TRPM3: variants seen among roughly 807,000 people sequenced by gnomAD.
TRPM3 encodes transient receptor potential cation channel subfamily M member 3, also known as long transient receptor potential channel 3.
A neutral mutation model predicts 181.2 loss-of-function variants in TRPM3; 77 were observed. That is an observed-to-expected ratio of 0.42 (90% CI 0.35 to 0.51). The LOEUF (loss-of-function observed/expected upper bound fraction) is 0.51, where lower values mean the gene tolerates loss of function less well. Ranked by LOEUF, TRPM3 falls within the 20% of genes least tolerant of loss-of-function variation. The pLI is 0.01. For missense variants in TRPM3, 1,759 were observed against 2,196.7 expected (o/e 0.80, Z 3.98); for synonymous variants, 745 against 796.4 (o/e 0.94, Z 1.09).
At chr9:70,560,230 G>T (rs1386778413) in intron 22 of TRPM3, among the ~76,000 whole-genome samples, 1 of 152,098 alleles carries the variant, frequency 6.6e-6, no homozygotes, top group Non-Finnish European at 1.5e-5. Flanking sequence ...GCTAATAAGG[G>T]GATAATGCCA....
chr9:71,133,371 C>T (rs368307773), intron 1 of TRPM3, among the ~76,000 whole-genome samples: 3 of 128,906 alleles, frequency 2.3e-5, no homozygotes, highest in Non-Finnish European at 4.7e-5. Flanking sequence ...CTCTGCTCAC[C>T]GCAACCTCTG....
At chr9:70,903,904 A>AT (rs995258288) in intron 1 of TRPM3, among the ~76,000 whole-genome samples, 71 of 152,274 alleles carry the variant, frequency 4.7e-4, no homozygotes, top group African/African-American at 1.7e-3. Context: ...ATTGTATAGG[A>AT]TTTTAAATTG....
intron 9 of TRPM3, among the ~76,000 whole-genome samples, chr9:70,649,776 G>C (rs982297596): frequency 6.6e-6 from 1 of 152,078 alleles, no homozygotes; most frequent in African/African-American, 2.4e-5. Flanking sequence ...AAAGAACTTA[G>C]AACTACCATT....
rs891278417 is a variant in TRPM3, at chr9:70,529,980, T to A, written c.*5973A>T. 1 of 152,242 alleles carries A rather than the reference T, an allele frequency of 6.6e-6. No individual in the cohort carries two copies. The allele number at this position is 152,242 out of a possible 1,614,324, so 9.4% of individuals were successfully genotyped here. On this transcript the variant is annotated 3_prime_UTR_variant, in exon 26 of 26. Coordinates refer to ENST00000677713, the MANE Select transcript of TRPM3 (RefSeq NM_001366145.2). Reference sequence around the variant, plus strand: ...ATCCGGCCCCTCCATGTGTTTGAATTTGCAGCCTCTCAGTCTATGTGCAGA... The same window carrying A: ...ATCCGGCCCCTCCATGTGTTTGAATATGCAGCCTCTCAGTCTATGTGCAGA...
intron 1 of TRPM3, among the ~76,000 whole-genome samples, chr9:71,275,535 T>C (rs558263545): frequency 1.4e-4 from 22 of 152,294 alleles, no homozygotes; most frequent in African/African-American, 5.3e-4. Context: ...TGTATGTGTG[T>C]GTGTATTATA....
chr9:71,384,514 T>G (rs980268637), intron 1 of TRPM3, among the ~76,000 whole-genome samples: 1 of 152,224 alleles, frequency 6.6e-6, no homozygotes, highest in African/African-American at 2.4e-5. Context: ...TGGAGACCAA[T>G]CTCTGGCACA....
intron 9 of TRPM3, among the ~76,000 whole-genome samples, chr9:70,657,284 A>C (rs2060493014): frequency 2.3e-5 from 1 of 43,198 alleles, no homozygotes; most frequent in South Asian, 1.3e-3. Flanking sequence ...TTTACTCTTA[A>C]ATTGTAAGTT....
At chr9:71,446,932 G>T (rs1198535014), upstream of TRPM3, 1 of 1,256,254 alleles carries the variant, frequency 8.0e-7, no homozygotes, top group Non-Finnish European at 1.1e-6. Context: ...CGCGGCTCTC[G>T]GTTGGCGCTG....
At position 70,969,756 on chromosome 9, in the gene TRPM3, T is replaced by TTATATATATA. The variant is rs78938143; in HGVS notation, c.178-105255_178-105246dup. Among the ~76,000 whole-genome samples the TTATATATATA allele has an allele frequency of 6.2e-4, 78 of 126,618 alleles. 2 individuals are homozygous for TTATATATATA. The highest frequency in any genetic ancestry group is 8.0e-4 in the South Asian group (3 of 3,768). The allele number at this position is 126,618 out of a possible 152,430, so 83.1% of individuals were successfully genotyped here. On this transcript the variant is annotated intron_variant, in intron 1 of 25. Coordinates refer to ENST00000677713, the MANE Select transcript of TRPM3 (RefSeq NM_001366145.2). ...GGATTGTTGTGAAGACTGAATGATT[T>TTATATATATA]TATATATATATATATATATATATAC...
chr9:71,214,523 C>G (rs180790858), intron 1 of TRPM3, among the ~76,000 whole-genome samples: 36 of 152,286 alleles, frequency 2.4e-4, no homozygotes, highest in Admixed American at 2.0e-3. Flanking sequence ...TCTAGACACA[C>G]TAACTATAGC....
chr9:71,312,846 C>CA (rs139964057), intron 1 of TRPM3, among the ~76,000 whole-genome samples: 1,605 of 152,004 alleles, frequency 0.011, 31 homozygotes, highest in African/African-American at 0.037. Context: ...CTGAAAAAGG[C>CA]AAAACTATGG....
intron 1 of TRPM3, among the ~76,000 whole-genome samples, chr9:70,951,561 T>A (rs1451028830): frequency 6.6e-6 from 1 of 152,136 alleles, no homozygotes; most frequent in African/African-American, 2.4e-5. Flanking sequence ...AGACTGGTCT[T>A]GAACTCCTTA....
Position 70,536,464 on chromosome 9 carries a change from G to T in TRPM3, c.4649C>A (p.Pro1550His). The change falls in exon 26 of 26, where the codon CCT (proline) becomes CAT (histidine). Residue 1550 changes from proline (P) to histidine (H), a missense_variant. Pro to His is a moderately conservative substitution (Grantham distance 77). Coordinates refer to ENST00000677713, the MANE Select transcript of TRPM3 (RefSeq NM_001366145.2). ...SRSYYANFGVPVKTAEYTSIT... is the reference protein window; with the variant it reads ...SRSYYANFGVHVKTAEYTSIT... ...ACTTGTGTATTCTGCTGTTTTTACA[G>T]GCACCCCAAAGTTGGCATAATAGCT... 1 of 1,614,162 alleles carries T rather than the reference G, an allele frequency of 6.2e-7. No homozygotes were observed. Among genetic ancestry groups the T allele is most frequent in the Non-Finnish European group, 8.5e-7 (1 of 1,180,034 alleles).
chr9:70,818,045 T>C (rs1019998147), intron 6 of TRPM3, among the ~76,000 whole-genome samples: 2 of 152,150 alleles, frequency 1.3e-5, no homozygotes, highest in Non-Finnish European at 2.9e-5. Flanking sequence ...TTAACGTCAG[T>C]GTTGGCGTCA....
intron 1 of TRPM3, among the ~76,000 whole-genome samples, chr9:71,319,337 A>G (rs34254579): frequency 0.22 from 33,149 of 151,996 alleles, 3,671 homozygotes; most frequent in Admixed American, 0.25. Context: ...CAGGGTTGTC[A>G]TTCTAACACA....
At chr9:71,264,142 T>G (rs1277386481) in intron 1 of TRPM3, among the ~76,000 whole-genome samples, 1 of 152,050 alleles carries the variant, frequency 6.6e-6, no homozygotes, top group Non-Finnish European at 1.5e-5. Flanking sequence ...CCCACACAAT[T>G]AGTGTGACTT....
At chr9:70,542,996 A>T (rs886297556) in intron 25 of TRPM3, among the ~76,000 whole-genome samples, 1 of 152,338 alleles carries the variant, frequency 6.6e-6, no homozygotes. Context: ...GAAAAAGAGA[A>T]ACAAGTTTAA....
intron 1 of TRPM3, among the ~76,000 whole-genome samples, chr9:71,057,911 A>C (rs2060852955): frequency 6.6e-6 from 1 of 152,104 alleles, no homozygotes; most frequent in South Asian, 2.1e-4. Flanking sequence ...ATGCTTTTAA[A>C]ATATGCATTC....
At chr9:71,232,300 G>A (rs773151678) in intron 1 of TRPM3, among the ~76,000 whole-genome samples, 2 of 152,010 alleles carry the variant, frequency 1.3e-5, no homozygotes, top group Non-Finnish European at 2.9e-5. Context: ...AACCTGCCAA[G>A]GCCACACTAT....
Sources: allele counts gnomAD v4.1 joint callset (sites outside exome capture counted in the v4.1 genomes callset), GRCh38; gene constraint gnomAD v4.1.1; transcripts MANE v1.5; gene names NCBI Gene and HGNC (gene_info 2026-07-23, HGNC 2026-07-21).